Variants in MSH4 observed in about 807,000 individuals in gnomAD.
MSH4 encodes the protein mutS protein homolog 4.
In MSH4, 106 loss-of-function variants were observed where a neutral mutation model predicts 113.7. The observed-to-expected ratio is 0.93, with a 90% CI of 0.80 to 1.10. MSH4 has a LOEUF of 1.10. MSH4 is among the 50% of genes least tolerant of loss of function. The pLI is 0.00. For missense variants in MSH4, 1,061 were observed against 1,093.7 expected, an observed-to-expected ratio of 0.97 and a Z score of 0.42; for synonymous variants, 368 against 380.2, an observed-to-expected ratio of 0.97 and a Z score of 0.37.
At chr1:75,910,286 C>T (rs950443071) in intron 19 of MSH4, among the ~76,000 whole-genome samples, 2 of 152,098 alleles carry the variant, frequency 1.3e-5, no homozygotes, top group Non-Finnish European at 2.9e-5. Context: ...TCCATGATCT[C>T]TCTATGGCAC....
At chr1:75,887,078 C>T (rs1007495693) in intron 15 of MSH4, among the ~76,000 whole-genome samples, 1 of 151,852 alleles carries the variant, frequency 6.6e-6, no homozygotes, top group Non-Finnish European at 1.5e-5. Flanking sequence ...CCTTAGTCTT[C>T]CCCACTTGCC....
intron 11 of MSH4, 93 bp from the exon 12 acceptor site, chr1:75,878,899 A>T (rs189259153): frequency 1.2e-5 from 14 of 1,130,842 alleles, no homozygotes; most frequent in Middle Eastern, 2.8e-4. Flanking sequence ...ATAAGAATTT[A>T]AAAACCATGT....
At chr1:75,907,279 T>G (rs1219666342) in intron 19 of MSH4, among the ~76,000 whole-genome samples, 1 of 152,096 alleles carries the variant, frequency 6.6e-6, no homozygotes, top group Non-Finnish European at 1.5e-5. Context: ...CTAGGTATAG[T>G]ATTCTCAGTT....
intron 7 of MSH4, among the ~76,000 whole-genome samples, chr1:75,835,693 T>A (rs1363563605): frequency 6.6e-6 from 1 of 152,198 alleles, no homozygotes; most frequent in African/African-American, 2.4e-5. Flanking sequence ...ATGTCTCTCC[T>A]ATCTTTGTAA....
chr1:75,850,228 G>T (rs1026132757), intron 8 of MSH4, among the ~76,000 whole-genome samples: 1 of 151,982 alleles, frequency 6.6e-6, no homozygotes, highest in African/African-American at 2.4e-5. Context: ...TTTTGAGGTT[G>T]TAAAGGAGGA....
At chr1:75,885,977 T>C (rs1300632522) in intron 15 of MSH4, among the ~76,000 whole-genome samples, 1 of 109,026 alleles carries the variant, frequency 9.2e-6, no homozygotes, top group South Asian at 3.0e-4. Flanking sequence ...GCATGTATAG[T>C]ATATATGATG....
At chr1:75,824,810 G>T (rs969853846) in intron 7 of MSH4, among the ~76,000 whole-genome samples, 1 of 151,394 alleles carries the variant, frequency 6.6e-6, no homozygotes, top group Non-Finnish European at 1.5e-5. Flanking sequence ...TGTTCCATTG[G>T]TCTATATATC....
chr1:75,895,004 G>A (rs1313810431), intron 17 of MSH4, among the ~76,000 whole-genome samples: 2 of 152,072 alleles, frequency 1.3e-5, no homozygotes, highest in Non-Finnish European at 2.9e-5. Context: ...ATTACCCCTA[G>A]TAACTCAAGG....
At chr1:75,853,850 C>CT (rs2100550212) in intron 8 of MSH4, among the ~76,000 whole-genome samples, 1 of 151,878 alleles carries the variant, frequency 6.6e-6, no homozygotes, top group Non-Finnish European at 1.5e-5. Flanking sequence ...TTATCTTGTA[C>CT]TTTCCTTGGT....
At chr1:75,842,286 CAG>C (rs1304140477) in intron 7 of MSH4, among the ~76,000 whole-genome samples, 4 of 152,056 alleles carry the variant, frequency 2.6e-5, no homozygotes, top group Non-Finnish European at 4.4e-5. Context: ...TAGCAGACTT[CAG>C]AGAGATAGCA....
intron 16 of MSH4, among the ~76,000 whole-genome samples, chr1:75,889,671 T>G (rs888257040): frequency 6.6e-6 from 1 of 152,130 alleles, no homozygotes; most frequent in African/African-American, 2.4e-5. Context: ...TTCAGTACCA[T>G]TTTGCATAGT....
intron 7 of MSH4, among the ~76,000 whole-genome samples, chr1:75,839,422 C>T (rs1467611927): frequency 6.6e-6 from 1 of 152,056 alleles, no homozygotes; most frequent in African/African-American, 2.4e-5. Context: ...ACCATGTTGG[C>T]CAGGCTGGTC....
At chr1:75,850,075 G>C (rs190771839) in intron 8 of MSH4, among the ~76,000 whole-genome samples, 44 of 152,058 alleles carry the variant, frequency 2.9e-4, no homozygotes, top group Admixed American at 8.5e-4. Flanking sequence ...TTCTTAATCA[G>C]CCTGGCTAGA....
intron 7 of MSH4, among the ~76,000 whole-genome samples, chr1:75,847,563 C>T (rs1013316224): frequency 2.0e-5 from 3 of 152,154 alleles, no homozygotes; most frequent in South Asian, 4.2e-4. Context: ...GGGTAATTTA[C>T]GAAGAAACGA....
At chr1:75,844,768 A>G in intron 7 of MSH4, among the ~76,000 whole-genome samples, 1 of 152,272 alleles carries the variant, frequency 6.6e-6, no homozygotes, top group East Asian at 1.9e-4. Context: ...GAGTGGTGGT[A>G]CATGCAAGAC....
At chr1:75,871,103 T>C (rs1489698124) in intron 9 of MSH4, among the ~76,000 whole-genome samples, 1 of 152,142 alleles carries the variant, frequency 6.6e-6, no homozygotes, top group East Asian at 1.9e-4. Flanking sequence ...TGTACAATCA[T>C]GGCAGAAGGA....
chr1:75,891,995 G>C (rs1193231759), intron 17 of MSH4, among the ~76,000 whole-genome samples: 3 of 152,164 alleles, frequency 2.0e-5, no homozygotes, highest in Admixed American at 6.5e-5. Flanking sequence ...GTCAAACATT[G>C]TTCTGGATAT....
Position 75,912,712 on chromosome 1 carries a change from C to A in MSH4, c.2636C>A (p.Thr879Asn), listed in dbSNP as rs1652815613. Residue 879 changes from threonine to asparagine, a missense_variant, in exon 20 of 20, where the codon ACC (threonine) becomes AAC (asparagine). Physicochemically the swap from Thr to Asn is moderately conservative, Grantham distance 65 (BLOSUM62 0). Coordinates refer to ENST00000263187, the MANE Select transcript of MSH4 (RefSeq NM_002440.4). ...TRQILQNQRS[T>N]PEMERQRAVY... is the part of the protein sequence containing the mutation. ...CAATGACAGCAAAACCAAAGGAGTA[C>A]CCCTGAGATGGAAAGACAGAGAGCT... 2 of 1,536,122 alleles carry A rather than the reference C, an allele frequency of 1.3e-6. No individual in the cohort carries two copies. The highest frequency in any genetic ancestry group is 2.7e-5 in the South Asian group (2 of 75,134).
chr1:75,821,440 A>G lies in MSH4; in HGVS notation c.990-969A>G, dbSNP rs565440280. Among the ~76,000 whole-genome samples the G allele has an allele frequency of 2.2e-4, 34 of 152,082 alleles. No homozygotes were observed. The East Asian group carries it at 6.4e-3, about 29-fold the overall frequency. ...GGGAAATTTATAGCACTAAATGCCC[A>G]CAAGAGAAAGCAGGAAAGATCTAAA... On this transcript the variant is annotated intron_variant, in intron 6 of 19. Coordinates refer to ENST00000263187, the MANE Select transcript of MSH4 (RefSeq NM_002440.4).
Sources: gnomAD v4.1 joint callset for allele counts (sites outside exome capture counted in the v4.1 genomes callset) on GRCh38, gnomAD v4.1.1 for gene constraint, MANE v1.5 for transcripts, NCBI Gene and HGNC (gene_info 2026-07-23, HGNC 2026-07-21) for gene names.